HSDL2: variants seen among roughly 807,000 people sequenced by gnomAD.
HSDL2 encodes hydroxysteroid dehydrogenase like 2.
Under a neutral mutation model 46.3 loss-of-function variants are expected in HSDL2, and 27 were observed. The ratio of observed to expected loss-of-function variants is 0.58; its 90% CI spans 0.43 to 0.80. The LOEUF (loss-of-function observed/expected upper bound fraction) is 0.80, where lower values mean the gene tolerates loss of function less well. HSDL2 is among the 30% of genes least tolerant of loss of function. The pLI is 0.00. For synonymous variants in HSDL2, 153 were observed against 163.6 expected (o/e 0.94, Z 0.50); for missense variants, 451 against 502.7 (o/e 0.90, Z 0.98).
At chr9:112,388,384 G>A in intron 1 of HSDL2, among the ~76,000 whole-genome samples, 1 of 146,696 alleles carries the variant, frequency 6.8e-6, no homozygotes, top group East Asian at 2.0e-4. Flanking sequence ...TCACTTGAAC[G>A]TGGGAGGCAG....
At chr9:112,433,401 T>C (rs1168136053) in intron 6 of HSDL2, among the ~76,000 whole-genome samples, 1 of 152,048 alleles carries the variant, frequency 6.6e-6, no homozygotes, top group Non-Finnish European at 1.5e-5. Context: ...ATGGATGAGA[T>C]GGATGGTCTT....
intron 4 of HSDL2, among the ~76,000 whole-genome samples, chr9:112,416,474 G>A (rs1012241143): frequency 6.6e-6 from 1 of 151,490 alleles, no homozygotes; most frequent in South Asian, 2.1e-4. Context: ...GCTGGTCGCA[G>A]TGGTTCACAC....
chr9:112,432,071 G>A (rs548764571), intron 6 of HSDL2, among the ~76,000 whole-genome samples: 20 of 152,046 alleles, frequency 1.3e-4, no homozygotes, highest in African/African-American at 4.8e-4. Context: ...TAGTAGTGAC[G>A]GGGTTTCACC....
At chr9:112,459,666 C>A in intron 10 of HSDL2, 89 bp downstream of exon 10, 1 of 1,152,894 alleles carries the variant, frequency 8.7e-7, no homozygotes, top group South Asian at 1.4e-5. Flanking sequence ...ATAATCAAGA[C>A]TTGTAAATGT....
intron 10 of HSDL2, among the ~76,000 whole-genome samples, chr9:112,464,113 T>TA (rs1833301195): frequency 6.7e-6 from 1 of 150,236 alleles, no homozygotes; most frequent in Non-Finnish European, 1.5e-5. Context: ...ATGCCTATAA[T>TA]CCCAACACTT....
At chr9:112,458,745 G>A (rs923704952) in intron 9 of HSDL2, among the ~76,000 whole-genome samples, 2 of 151,814 alleles carry the variant, frequency 1.3e-5, no homozygotes, top group Admixed American at 6.6e-5. Flanking sequence ...ACTTTGGGAG[G>A]CCGAGGTGGG....
intron 1 of HSDL2, among the ~76,000 whole-genome samples, chr9:112,400,885 C>G (rs1487686349): frequency 6.6e-6 from 1 of 152,176 alleles, no homozygotes; most frequent in Non-Finnish European, 1.5e-5. Flanking sequence ...TAGAAGGACA[C>G]CTGTCCGATT....
At chr9:112,381,335 A>G (rs1049735701) in intron 1 of HSDL2, among the ~76,000 whole-genome samples, 2 of 152,014 alleles carry the variant, frequency 1.3e-5, no homozygotes, top group African/African-American at 4.8e-5. Flanking sequence ...AGGGACATAC[A>G]TTTTTAGTAC....
chr9:112,403,066 C>T (rs1172776874), intron 1 of HSDL2, among the ~76,000 whole-genome samples: 8 of 152,152 alleles, frequency 5.3e-5, no homozygotes, highest in Admixed American at 3.9e-4. Context: ...AATTTGTGAG[C>T]GTTTGTTTAT....
At chr9:112,409,072 G>T in intron 4 of HSDL2, 51 bp downstream of exon 4, 1 of 1,020,228 alleles carries the variant, frequency 9.8e-7, no homozygotes, top group South Asian at 1.3e-5. Flanking sequence ...GTTTCTCAGG[G>T]AACTTACATA....
intron 1 of HSDL2, among the ~76,000 whole-genome samples, chr9:112,387,719 G>A (rs564141280): frequency 6.6e-6 from 1 of 152,320 alleles, no homozygotes; most frequent in Admixed American, 6.5e-5. Flanking sequence ...ACTATGGTTA[G>A]ATGATAAAAA....
chr9:112,385,598 T>TCCC (rs1554707745), intron 1 of HSDL2, among the ~76,000 whole-genome samples: 1 of 150,964 alleles, frequency 6.6e-6, no homozygotes, highest in South Asian at 2.1e-4. Flanking sequence ...CAAGCAATTC[T>TCCC]GCTTCAGCCT....
chr9:112,429,779 A>G (rs950271541), intron 6 of HSDL2, among the ~76,000 whole-genome samples: 5 of 152,168 alleles, frequency 3.3e-5, no homozygotes, highest in Non-Finnish European at 5.9e-5. Flanking sequence ...GAAGGTGGCA[A>G]TTTAAAATAG....
intron 3 of HSDL2, 84 bp downstream of exon 3, chr9:112,405,806 GT>G: frequency 1.1e-6 from 1 of 874,422 alleles, no homozygotes; most frequent in Non-Finnish European, 1.8e-6. Context: ...TTTGTTTTGA[GT>G]TTTGAATTTT....
At chr9:112,393,147 G>A (rs1231925231) in intron 1 of HSDL2, among the ~76,000 whole-genome samples, 1 of 152,236 alleles carries the variant, frequency 6.6e-6, no homozygotes, top group Non-Finnish European at 1.5e-5. Context: ...GCCCCCAATA[G>A]ACTTAATCCA....
intron 10 of HSDL2, among the ~76,000 whole-genome samples, chr9:112,463,662 TTGTG>T (rs1348319738): frequency 7.0e-6 from 1 of 142,806 alleles, no homozygotes; most frequent in South Asian, 2.4e-4. Context: ...ATATGTTTAT[TTGTG>T]TATTTATTTA....
At chr9:112,437,811 A>C (rs991520066) in intron 6 of HSDL2, among the ~76,000 whole-genome samples, 2 of 152,218 alleles carry the variant, frequency 1.3e-5, no homozygotes, top group Non-Finnish European at 2.9e-5. Context: ...TATTCCTTAA[A>C]CAGGCATGCA....
intron 1 of HSDL2, among the ~76,000 whole-genome samples, chr9:112,401,143 G>A (rs1227716824): frequency 6.6e-6 from 1 of 151,904 alleles, no homozygotes; most frequent in Non-Finnish European, 1.5e-5. Context: ...TATTTTAGAT[G>A]TCTCCTTCTT....
At position 112,429,192 on chromosome 9, in the gene HSDL2, C is replaced by T. The variant is rs141610931; in HGVS notation, c.599-9239C>T. Among the ~76,000 whole-genome samples, 605 of 152,336 alleles carry T rather than the reference C, an allele frequency of 4.0e-3. 2 individuals carry two copies. Among genetic ancestry groups the T allele is most frequent in the African/African-American group, 0.014 (572 of 41,566 alleles). On this transcript the variant is annotated intron_variant, in intron 6 of 10. Transcript: ENST00000398805. ...GGGATTACAGGCATGAGCCACTGTGCCCAGCTGACTTCTCACTTTACATTC... is the reference window on the plus strand; with the variant it reads ...GGGATTACAGGCATGAGCCACTGTGTCCAGCTGACTTCTCACTTTACATTC...
Sources: gnomAD v4.1 joint callset for allele counts (sites outside exome capture counted in the v4.1 genomes callset) on GRCh38, gnomAD v4.1.1 for gene constraint, MANE v1.5 for transcripts, NCBI Gene and HGNC (gene_info 2026-07-23, HGNC 2026-07-21) for gene names.